Variants in TENM2 observed in about 807,000 individuals in gnomAD.
TENM2 encodes teneurin transmembrane protein 2, also known as teneurin-2.
TENM2 carries 52 observed loss-of-function variants against 245.2 expected under a neutral mutation model. The ratio of observed to expected loss-of-function variants is 0.21; its 90% CI spans 0.17 to 0.27. The LOEUF (loss-of-function observed/expected upper bound fraction) is 0.27, where lower values mean the gene tolerates loss of function less well. Among genes scored for constraint, TENM2 ranks in the 10% least tolerant of loss-of-function variants. The probability of loss-of-function intolerance (pLI) is 1.00; values close to 1 mark genes in which losing one functional copy is unlikely to be tolerated. For missense variants in TENM2, 3,046 were observed against 3,666.8 expected, an observed-to-expected ratio of 0.83 and a Z score of 4.37; for synonymous variants, 1,363 against 1,438.9, an observed-to-expected ratio of 0.95 and a Z score of 1.19.
chr5:167,416,665 A>ATTACTCTCT (rs1763183106), intron 2 of TENM2, among the ~76,000 whole-genome samples: 2 of 142,962 alleles, frequency 1.4e-5, no homozygotes, highest in African/African-American at 5.3e-5. Context: ...TTATATGAGA[A>ATTACTCTCT]TTACTCTCTT....
At chr5:167,156,447 C>T in the TENM2 span, among the ~76,000 whole-genome samples, 1 of 152,154 alleles carries the variant, frequency 6.6e-6, no homozygotes, top group Non-Finnish European at 1.5e-5. Flanking sequence ...TTTGCCTCAA[C>T]CAGTGGTAAT....
chr5:167,693,561 G>C (rs953119216), intron 2 of TENM2, among the ~76,000 whole-genome samples: 1 of 150,318 alleles, frequency 6.7e-6, no homozygotes, highest in Non-Finnish European at 1.5e-5. Context: ...TGGAAGACTG[G>C]GTAACTGTCA....
intron 2 of TENM2, among the ~76,000 whole-genome samples, chr5:167,626,748 T>C (rs11739021): frequency 0.53 from 79,924 of 152,032 alleles, 23,950 homozygotes; most frequent in Middle Eastern, 0.68. Context: ...TCATTGGCAC[T>C]CTCATGATAA....
intron 2 of TENM2, among the ~76,000 whole-genome samples, chr5:167,408,081 C>G (rs1202154908): frequency 6.6e-6 from 1 of 152,010 alleles, no homozygotes; most frequent in African/African-American, 2.4e-5. Context: ...CACTGTGGCC[C>G]ATTGTGGATT....
chr5:168,124,813 A>C, intron 10 of TENM2, 37 bp from the exon 13 acceptor site: 1 of 1,558,750 alleles, frequency 6.4e-7, no homozygotes, highest in Non-Finnish European at 8.7e-7. Flanking sequence ...GGTGATTAAT[A>C]CTTTTATTCT....
chr5:167,890,342 GC>G (rs1395602520), intron 3 of TENM2, among the ~76,000 whole-genome samples: 1 of 152,016 alleles, frequency 6.6e-6, no homozygotes, highest in Non-Finnish European at 1.5e-5. Flanking sequence ...TAAAGCTGTT[GC>G]CCCTTTCTGG....
chr5:167,948,291 A>G (rs1193124952), intron 3 of TENM2, among the ~76,000 whole-genome samples: 1 of 152,210 alleles, frequency 6.6e-6, no homozygotes, highest in East Asian at 1.9e-4. Context: ...GCCAACCGGT[A>G]GGCATTTAGG....
At chr5:167,517,071 A>AAC (rs1301611399) in intron 2 of TENM2, among the ~76,000 whole-genome samples, 36 of 152,336 alleles carry the variant, frequency 2.4e-4, no homozygotes, top group African/African-American at 8.4e-4. Context: ...TTTGTCAGTG[A>AAC]ACCTTACCTT....
chr5:167,863,831 C>T (rs764578420), intron 2 of TENM2, among the ~76,000 whole-genome samples: 12 of 152,088 alleles, frequency 7.9e-5, no homozygotes, highest in South Asian at 2.1e-4. Context: ...CCTAACTGTA[C>T]GCTAGTGGAG....
the TENM2 span, among the ~76,000 whole-genome samples, chr5:167,156,976 G>A: frequency 6.6e-6 from 1 of 152,152 alleles, no homozygotes; most frequent in East Asian, 1.9e-4. Context: ...TCCAACTTCT[G>A]CAAACCCACA....
Position 167,895,011 on chromosome 5 carries a change from G to A in TENM2, c.712+18816G>A, listed in dbSNP as rs566679006. On this transcript the variant is annotated intron_variant, in intron 3 of 28. Transcript: ENST00000518659. The stretch of plus-strand genomic sequence containing the variant: ...GAAGGAGGGAAGGAAGGAAGGAAGG[G>A]AGGGAGGGAGGGAGGGAGGCAGGGA... Among the ~76,000 whole-genome samples, 217 of 121,306 alleles carry A rather than the reference G, an allele frequency of 1.8e-3. 1 individual carries two copies. In the East Asian group the frequency reaches 0.022, roughly 12 times the overall value. The allele number at this position is 121,306 out of a possible 152,430, so 79.6% of individuals were successfully genotyped here. A position where few individuals can be genotyped will look rare whatever the true frequency, so the allele number is the denominator to read the frequency against.
chr5:167,066,780 A>G, the TENM2 span, among the ~76,000 whole-genome samples: 1 of 152,150 alleles, frequency 6.6e-6, no homozygotes, highest in African/African-American at 2.4e-5. Context: ...CAAAATAAAG[A>G]AAATAATCAG....
intron 2 of TENM2, among the ~76,000 whole-genome samples, chr5:167,587,697 T>C (rs1775599301): frequency 6.6e-6 from 1 of 152,256 alleles, no homozygotes; most frequent in African/African-American, 2.4e-5. Context: ...TGTCTGATTA[T>C]GTATCCGTGG....
intron 1 of TENM2, chr5:167,306,688 A>G (rs1383320741): frequency 6.6e-6 from 1 of 152,180 alleles, no homozygotes; most frequent in African/African-American, 2.4e-5. Flanking sequence ...CGTATCATTT[A>G]TATAGTCCCC....
chr5:167,071,449 G>T, the TENM2 span, among the ~76,000 whole-genome samples: 1 of 152,098 alleles, frequency 6.6e-6, no homozygotes, highest in Non-Finnish European at 1.5e-5. Flanking sequence ...CCTTTGCTGG[G>T]CTCTGCTTGC....
the TENM2 span, among the ~76,000 whole-genome samples, chr5:167,271,181 T>C: frequency 2.0e-5 from 3 of 152,120 alleles, no homozygotes; most frequent in Non-Finnish European, 4.4e-5. Context: ...CTGCTGCCTC[T>C]CCGAAAGCTC....
intron 2 of TENM2, among the ~76,000 whole-genome samples, chr5:167,860,061 G>A (rs1583209380): frequency 9.8e-6 from 1 of 102,222 alleles, no homozygotes; most frequent in Non-Finnish European, 2.3e-5. Flanking sequence ...GGGAGGTGGG[G>A]GGGGGTCAGC....
intron 4 of TENM2, among the ~76,000 whole-genome samples, chr5:167,992,693 G>T (rs564368255): frequency 2.8e-4 from 43 of 152,238 alleles, no homozygotes; most frequent in Non-Finnish European, 4.1e-4. Flanking sequence ...TTCCATATTT[G>T]CTTTGAATGC....
chr5:167,235,515 T>A, the TENM2 span, among the ~76,000 whole-genome samples: 12 of 152,126 alleles, frequency 7.9e-5, no homozygotes, highest in Non-Finnish European at 1.8e-4. Flanking sequence ...AACTGAAAAG[T>A]TTAGGGTAAA....
Sources: gnomAD v4.1 joint callset for allele counts (sites outside exome capture counted in the v4.1 genomes callset) on GRCh38, gnomAD v4.1.1 for gene constraint, MANE v1.5 for transcripts, NCBI Gene and HGNC (gene_info 2026-07-23, HGNC 2026-07-21) for gene names.